Variants in KCNT2 observed in about 807,000 individuals in gnomAD.
KCNT2 encodes the protein potassium channel subfamily T member 2.
Under a neutral mutation model 153.8 loss-of-function variants are expected in KCNT2, and 67 were observed. The ratio of observed to expected loss-of-function variants is 0.44; its 90% CI spans 0.36 to 0.53. KCNT2 has a LOEUF of 0.53. Ranked by LOEUF, KCNT2 falls within the 20% of genes least tolerant of loss-of-function variation. The probability of loss-of-function intolerance (pLI) is 0.00; values close to 1 mark genes in which losing one functional copy is unlikely to be tolerated. For missense variants in KCNT2, 975 were observed against 1,354.8 expected, an observed-to-expected ratio of 0.72 and a Z score of 4.40; for synonymous variants, 500 against 458.8, an observed-to-expected ratio of 1.09 and a Z score of -1.15.
rs551994676 is a variant in KCNT2, at chr1:196,500,756, T to C, written c.96-8415A>G. On this transcript the variant is annotated intron_variant, in intron 1 of 27. Transcript: ENST00000294725. ...CACCAAAGGAAACAAACAGAGTAAA[T>C]AGACAATATACAGAATGCCAGAAAA... is the stretch of plus-strand genomic sequence containing the variant. Among the ~76,000 whole-genome samples, 19 of 152,026 alleles carry C rather than the reference T, an allele frequency of 1.2e-4. No individual in the cohort carries two copies. The South Asian group carries it at 3.5e-3, about 28-fold the overall frequency.
chr1:196,511,099 C>T lies in KCNT2; in HGVS notation c.96-18758G>A, dbSNP rs913958805. Among the ~76,000 whole-genome samples the T allele has an allele frequency of 1.8e-4, 26 of 140,948 alleles. 1 individual carries two copies. Among genetic ancestry groups the T allele is most frequent in the Non-Finnish European group, 2.4e-4 (16 of 66,010 alleles). The allele number at this position is 140,948 out of a possible 152,430, so 92.5% of individuals were successfully genotyped here. A position where few individuals can be genotyped will look rare whatever the true frequency, so the allele number is the denominator to read the frequency against. On this transcript the variant is annotated intron_variant, in intron 1 of 27. Coordinates refer to ENST00000294725, the MANE Select transcript of KCNT2 (RefSeq NM_198503.5). ...AAAAAAAGTTGAATAAATTATTACA[C>T]ATACGTAAACACACACAACACACAC...
intron 8 of KCNT2, among the ~76,000 whole-genome samples, chr1:196,437,304 A>G (rs1674799619): frequency 7.5e-6 from 1 of 133,136 alleles, no homozygotes; most frequent in African/African-American, 2.7e-5. Flanking sequence ...ATATATAAAT[A>G]TATTTATATA....
chr1:196,363,534 T>A (rs1667793903), intron 14 of KCNT2, among the ~76,000 whole-genome samples: 1 of 152,072 alleles, frequency 6.6e-6, no homozygotes. Flanking sequence ...TGTTGGGAGG[T>A]GGGGCCTAAT....
chr1:196,569,417 T>G (rs866492290), intron 1 of KCNT2, among the ~76,000 whole-genome samples: 23 of 152,314 alleles, frequency 1.5e-4, no homozygotes, highest in Admixed American at 5.2e-4. Flanking sequence ...TGTTTCAGAT[T>G]AATTTGATAG....
chr1:196,576,090 A>ATATG (rs1553257784), intron 1 of KCNT2, among the ~76,000 whole-genome samples: 1 of 148,440 alleles, frequency 6.7e-6, no homozygotes, highest in African/African-American at 2.5e-5. Flanking sequence ...ATATATATAT[A>ATATG]TGTGTGTGTG....
At chr1:196,562,429 G>C (rs1659533765) in intron 1 of KCNT2, among the ~76,000 whole-genome samples, 1 of 151,904 alleles carries the variant, frequency 6.6e-6, no homozygotes, top group Admixed American at 6.6e-5. Context: ...AGTTTTGCAG[G>C]CTAACTTTGA....
chr1:196,256,495 G>T (rs950669324), intron 26 of KCNT2, among the ~76,000 whole-genome samples: 4 of 151,854 alleles, frequency 2.6e-5, no homozygotes, highest in African/African-American at 9.6e-5. Flanking sequence ...GTGACAACTT[G>T]TATTTTAAAG....
In KCNT2 at chr1:196,418,336, A is replaced by G. The variant is rs191490431; in HGVS notation, c.1185+4714T>C. Among the ~76,000 whole-genome samples, 32 of 152,162 alleles carry G rather than the reference A, an allele frequency of 2.1e-4. 2 individuals are homozygous for G. The East Asian group carries it at 5.8e-3, about 28-fold the overall frequency. ...ACTAAAAACACAAAAAATAAAAATAAATAGACAACAAACAAATAAATAAAC... is the reference window on the plus strand; with the variant it reads ...ACTAAAAACACAAAAAATAAAAATAGATAGACAACAAACAAATAAATAAAC... On this transcript the variant is annotated intron_variant, in intron 12 of 27. Coordinates refer to ENST00000294725, the MANE Select transcript of KCNT2 (RefSeq NM_198503.5).
chr1:196,552,017 G>T (rs4348671), intron 1 of KCNT2, among the ~76,000 whole-genome samples: 1 of 151,490 alleles, frequency 6.6e-6, no homozygotes, highest in Admixed American at 6.6e-5. Context: ...TGATGTGTTA[G>T]AAATGTTTAT....
intron 26 of KCNT2, among the ~76,000 whole-genome samples, chr1:196,251,315 C>T (rs1655949858): frequency 2.0e-5 from 3 of 152,040 alleles, no homozygotes; most frequent in Admixed American, 2.0e-4. Context: ...AGTCTGTTGT[C>T]ATTTTACATT....
chr1:196,532,018 A>G (rs1029567133), intron 1 of KCNT2, among the ~76,000 whole-genome samples: 13 of 152,030 alleles, frequency 8.6e-5, no homozygotes, highest in African/African-American at 2.7e-4. Context: ...GCTCAATAGT[A>G]TAGTAAAGTG....
chr1:196,357,078 T>C (rs1251055646), intron 14 of KCNT2, among the ~76,000 whole-genome samples: 1 of 151,962 alleles, frequency 6.6e-6, no homozygotes. Flanking sequence ...CATTTCCATA[T>C]CTTCTCATTT....
At chr1:196,336,402 C>G (rs1665038080) in intron 16 of KCNT2, among the ~76,000 whole-genome samples, 1 of 152,126 alleles carries the variant, frequency 6.6e-6, no homozygotes. Context: ...TTAATCCACT[C>G]TCCTTTCAGT....
intron 27 of KCNT2, 56 bp downstream of exon 27, chr1:196,235,930 A>G (rs1419502773): frequency 2.7e-6 from 3 of 1,091,288 alleles, no homozygotes; most frequent in African/African-American, 3.2e-5. Flanking sequence ...AAGTACAAAA[A>G]TAAATAGTAG....
chr1:196,457,584 G>A (rs1378606820), intron 8 of KCNT2, among the ~76,000 whole-genome samples: 3 of 149,962 alleles, frequency 2.0e-5, no homozygotes, highest in African/African-American at 4.9e-5. Flanking sequence ...CATTAAGAGA[G>A]TAATTAAGGA....
At chr1:196,376,353 A>G (rs1317146087) in intron 13 of KCNT2, among the ~76,000 whole-genome samples, 1 of 151,930 alleles carries the variant, frequency 6.6e-6, no homozygotes, top group Non-Finnish European at 1.5e-5. Flanking sequence ...ACCTATTCCT[A>G]AAAATATCAT....
chr1:196,483,380 C>A (rs1459554873), intron 3 of KCNT2, among the ~76,000 whole-genome samples: 1 of 152,160 alleles, frequency 6.6e-6, no homozygotes, highest in Non-Finnish European at 1.5e-5. Context: ...CAAAAACCTA[C>A]CAGTGGGAAC....
intron 1 of KCNT2, among the ~76,000 whole-genome samples, chr1:196,543,881 C>G (rs1403681973): frequency 6.6e-6 from 1 of 152,126 alleles, no homozygotes; most frequent in African/African-American, 2.4e-5. Flanking sequence ...ATCCAGCAGT[C>G]GTACTCAGGC....
intron 25 of KCNT2, among the ~76,000 whole-genome samples, chr1:196,276,693 A>G (rs191915738): frequency 2.4e-4 from 37 of 152,176 alleles, no homozygotes; most frequent in Admixed American, 2.1e-3. Context: ...TGGAGAATAT[A>G]TATATTTGAT....
Sources: gnomAD v4.1 joint callset for allele counts (sites outside exome capture counted in the v4.1 genomes callset) on GRCh38, gnomAD v4.1.1 for gene constraint, MANE v1.5 for transcripts, NCBI Gene and HGNC (gene_info 2026-07-23, HGNC 2026-07-21) for gene names.